TYMS: variants seen among roughly 807,000 people sequenced by gnomAD.
TYMS encodes the protein thymidylate synthetase.
TYMS carries 21 observed loss-of-function variants against 39.3 expected under a neutral mutation model. The observed-to-expected ratio is 0.54, with a 90% confidence interval of 0.38 to 0.77. The LOEUF (loss-of-function observed/expected upper bound fraction) is 0.77. Ranked by LOEUF, TYMS falls within the 30% of genes least tolerant of loss-of-function variation. The pLI is 0.00. For missense variants in TYMS, 273 were observed against 406.7 expected, an observed-to-expected ratio of 0.67 and a Z score of 2.83; for synonymous variants, 171 against 162.2, an observed-to-expected ratio of 1.05 and a Z score of -0.41.
At chr18:669,621 C>T (rs1410919929) in intron 4 of TYMS, among the ~76,000 whole-genome samples, 1 of 152,012 alleles carries the variant, frequency 6.6e-6, no homozygotes, top group East Asian at 1.9e-4. Context: ...ATCTGCCTGC[C>T]TCAGCCTCCC....
Position 658,217 on chromosome 18 carries a change from G to T in TYMS, c.205+270G>T. The T allele has an allele frequency of 6.6e-7, 1 of 1,518,872 alleles. No homozygotes were observed. Among genetic ancestry groups the T allele is most frequent in the Non-Finnish European group, 8.9e-7 (1 of 1,126,222 alleles). 94.1% of individuals were successfully genotyped at this position (1,518,872 alleles called of 1,614,324 possible). A position where few individuals can be genotyped will look rare whatever the true frequency, so the allele number is the denominator to read the frequency against. ...CGCGGCCGGGCTCGCAGTCGCCCCA[G>T]TGATGCCGTGGCCCCCGAGGCGGGC... On this transcript the variant is annotated intron_variant, in intron 1 of 6. Coordinates refer to ENST00000323274, the MANE Select transcript of TYMS (RefSeq NM_001071.4). This position sits in a 1 kb window ranked among gnomAD's most constrained non-coding sequence, Gnocchi z 4.5.
intron 3 of TYMS, 29 bp from the exon 4 acceptor site, chr18:669,043 C>T: frequency 6.4e-7 from 1 of 1,568,502 alleles, no homozygotes. Flanking sequence ...AATGTATGTA[C>T]CTGTCCTCTC....
At chr18:668,076 A>G (rs1296008839) in intron 3 of TYMS, among the ~76,000 whole-genome samples, 1 of 146,422 alleles carries the variant, frequency 6.8e-6, no homozygotes, top group African/African-American at 2.6e-5. Context: ...CTTGGGTAAC[A>G]TCCTGTATAC....
intron 3 of TYMS, 124 bp downstream of exon 3, chr18:662,444 C>A: frequency 1.2e-6 from 1 of 841,246 alleles, no homozygotes. Flanking sequence ...TAGCTTTGAC[C>A]TTGTGAGGGG....
chr18:671,100 T>C (rs1024542607), intron 5 of TYMS: 21 of 626,710 alleles, frequency 3.4e-5, no homozygotes, highest in African/African-American at 5.5e-5. Flanking sequence ...ACAGCTTCTA[T>C]GGATTTTCTC....
Position 669,085 on chromosome 18 carries a change from G to C in TYMS, c.468G>C (p.Gln156His). 6.2e-7 allele frequency: 1 copy of C among 1,614,018 alleles called. No individual in the cohort carries two copies. The highest frequency in any genetic ancestry group is 1.1e-5 in the South Asian group (1 of 91,088). ...ACAATTCTACAGATTATTCAGGACA[G>C]GGAGTTGACCAACTGCAAAGAGTGA... is the stretch of plus-strand genomic sequence containing the variant. ...YRDMESDYSG[Q>H]GVDQLQRVID... Residue 156 changes from glutamine (Q) to histidine (H), a missense_variant, in exon 4 of 7, where the codon CAG (glutamine) becomes CAC (histidine). Gln to His is a conservative substitution (Grantham distance 24). This residue lies in a region of TYMS where 228 missense variants were observed against 326.1 expected (regional missense o/e 0.70). Transcript: ENST00000323274.
intron 3 of TYMS, among the ~76,000 whole-genome samples, chr18:666,882 A>G: frequency 7.1e-6 from 1 of 141,406 alleles, no homozygotes. Flanking sequence ...GATGACGAAA[A>G]AGTTCGGGAG....
chr18:668,410 T>C (rs2074900160), intron 3 of TYMS, among the ~76,000 whole-genome samples: 1 of 152,178 alleles, frequency 6.6e-6, no homozygotes, highest in African/African-American at 2.4e-5. Context: ...TCCAGTTCCA[T>C]CTCAGAAGGA....
Position 660,682 on chromosome 18 carries a change from G to T in TYMS, c.279+968G>T, listed in dbSNP as rs1466738075. On this transcript the variant is annotated intron_variant, in intron 2 of 6. Coordinates refer to ENST00000323274, the MANE Select transcript of TYMS (RefSeq NM_001071.4). The surrounding 1 kb of genome is among the most constrained non-coding windows in gnomAD (Gnocchi z 4.6). ...GGGCTGAGTAGGTACCTCAGGCCGG[G>T]GCCAGAGTGCTGTGAAGACAGGCAG... Among the ~76,000 whole-genome samples the T allele has an allele frequency of 6.6e-6, 1 of 152,306 alleles. No homozygotes were observed. The highest frequency in any genetic ancestry group is 2.1e-4 in the South Asian group (1 of 4,818).
At chr18:666,921 A>T (rs62090120) in intron 3 of TYMS, among the ~76,000 whole-genome samples, 13,023 of 32,872 alleles carry the variant, frequency 0.4, 2,424 homozygotes, top group Non-Finnish European at 0.44. Context: ...ATGGTGATGG[A>T]GATGGTGATG....
intron 3 of TYMS, 65 bp from the exon 4 acceptor site, chr18:669,007 A>G: frequency 7.4e-7 from 1 of 1,360,536 alleles, no homozygotes; most frequent in South Asian, 1.2e-5. Flanking sequence ...GATGACCTCT[A>G]AGGCCATCTC....
rs1048256010 is a variant in TYMS, at chr18:660,279, C to T, written c.279+565C>T. 2.6e-5 allele frequency among the ~76,000 whole-genome samples: 4 copies of T among 152,180 alleles called. No homozygotes were observed. The highest frequency in any genetic ancestry group is 9.6e-5 in the African/African-American group (4 of 41,454). On this transcript the variant is annotated intron_variant, in intron 2 of 6. Coordinates refer to ENST00000323274, the MANE Select transcript of TYMS (RefSeq NM_001071.4). The surrounding 1 kb of genome is among the most constrained non-coding windows in gnomAD (Gnocchi z 4.6). ...CCCACTCCCTGGAACCTTCTTCCCC[C>T]ACACTTGGCTTCTTCCTTTGAGTCT... is the stretch of plus-strand genomic sequence containing the variant.
intron 6 of TYMS, 57 bp downstream of exon 6, chr18:671,508 CTG>C: frequency 1.8e-6 from 2 of 1,137,230 alleles, no homozygotes; most frequent in Non-Finnish European, 2.7e-6. Flanking sequence ...AAAAGGTTGA[CTG>C]TGGAACAGGC....
At chr18:666,939 A>AGATGGT (rs1301411807) in intron 3 of TYMS, among the ~76,000 whole-genome samples, 3 of 28,120 alleles carry the variant, frequency 1.1e-4, no homozygotes, top group South Asian at 1.8e-3. Context: ...ATGGTGATGG[A>AGATGGT]GATGGTGATG....
chr18:662,983 A>C (rs944760517), intron 3 of TYMS, among the ~76,000 whole-genome samples: 4 of 145,432 alleles, frequency 2.8e-5, no homozygotes, highest in African/African-American at 1.1e-4. Context: ...ATACGTGTGC[A>C]TGTGTCTTTA....
In TYMS at chr18:659,734, TAGAAGTC is replaced by T. The variant is rs1225728312; in HGVS notation, c.279+23_279+29del. 1 of 1,594,014 alleles carries T rather than the reference TAGAAGTC, an allele frequency of 6.3e-7. No homozygotes were observed. On this transcript the variant is annotated intron_variant, in intron 2 of 6. Transcript: ENST00000323274. ...ATCAAGGTAAAGAAGTCGCTGCTAT[TAGAAGTC>T]AGTAGTCTGTTCTCAACACAGCAGC...
At chr18:659,526 A>G (rs2074734481) in intron 1 of TYMS, 115 bp from the exon 2 acceptor site, 1 of 865,346 alleles carries the variant, frequency 1.2e-6, no homozygotes, top group Non-Finnish European at 1.9e-6. Flanking sequence ...GCGGGAGTCT[A>G]GGCTTTCTGG....
At position 673,276 on chromosome 18, in the gene TYMS, A is replaced by G; in HGVS notation, c.*279A>G. 3.5e-6 allele frequency: 1 copy of G among 282,908 alleles called. No homozygotes were observed. The highest frequency in any genetic ancestry group is 4.8e-5 in the Admixed American group (1 of 20,686). The allele number at this position is 282,908 out of a possible 1,614,324, so 17.5% of individuals were successfully genotyped here. ...TGAAATGTATGTGCTCTTAGCAAAAACATGTATGTGCATTTCAATCCCACG... is the reference window on the plus strand; with the variant it reads ...TGAAATGTATGTGCTCTTAGCAAAAGCATGTATGTGCATTTCAATCCCACG... On this transcript the variant is annotated 3_prime_UTR_variant, in exon 7 of 7. Transcript: ENST00000323274.
chr18:659,984 G>C (rs934034925), intron 2 of TYMS, among the ~76,000 whole-genome samples: 3 of 152,238 alleles, frequency 2.0e-5, no homozygotes, highest in African/African-American at 7.2e-5. Context: ...TGAGGCATGA[G>C]AATTGCTCAC....
Sources: allele counts gnomAD v4.1 joint callset (sites outside exome capture counted in the v4.1 genomes callset), GRCh38; gene constraint gnomAD v4.1.1; regional missense constraint gnomAD v4.1.1; non-coding constraint Gnocchi (gnomAD v3.1); transcripts MANE v1.5; gene names NCBI Gene and HGNC (gene_info 2026-07-23, HGNC 2026-07-21).